ANO10: variants seen among roughly 807,000 people sequenced by gnomAD.
ANO10 encodes anoctamin 10, also known as anoctamin-10.
ANO10 carries 77 observed loss-of-function variants against 74.7 expected under a neutral mutation model. That is an observed-to-expected ratio of 1.03 (90% confidence interval 0.86 to 1.25). The LOEUF (loss-of-function observed/expected upper bound fraction) is 1.25, where lower values mean the gene tolerates loss of function less well. Ranked by LOEUF, ANO10 falls within the 50% of genes most tolerant of loss-of-function variation. The pLI is 0.00. For missense variants in ANO10, 721 were observed against 778.1 expected (o/e 0.93, Z 0.87); for synonymous variants, 279 against 284.9 (o/e 0.98, Z 0.21).
intron 7 of ANO10, among the ~76,000 whole-genome samples, chr3:43,574,515 C>A (rs369260647): frequency 6.6e-6 from 1 of 152,126 alleles, no homozygotes; most frequent in African/African-American, 2.4e-5. Flanking sequence ...CCAGCATAGG[C>A]CTTCCAAAGT....
At chr3:43,502,689 T>C (rs184136918) in intron 11 of ANO10, among the ~76,000 whole-genome samples, 1 of 152,210 alleles carries the variant, frequency 6.6e-6, no homozygotes, top group Non-Finnish European at 1.5e-5. Context: ...GCATCACAAG[T>C]GTTCACCAAC....
intron 11 of ANO10, among the ~76,000 whole-genome samples, chr3:43,434,012 T>C (rs2093030262): frequency 6.6e-6 from 1 of 152,230 alleles, no homozygotes; most frequent in Admixed American, 6.5e-5. Context: ...TACTGTGATA[T>C]TTCCAAAAGG....
intron 12 of ANO10, among the ~76,000 whole-genome samples, chr3:43,403,345 C>A (rs1341997723): frequency 6.6e-6 from 1 of 152,232 alleles, no homozygotes; most frequent in Non-Finnish European, 1.5e-5. Context: ...ACACTGGAAG[C>A]TTTTGGTCTA....
chr3:43,569,667 G>A (rs1416600452), intron 7 of ANO10, among the ~76,000 whole-genome samples: 1 of 141,918 alleles, frequency 7.0e-6, no homozygotes, highest in Non-Finnish European at 1.5e-5. Context: ...CAATAAATTA[G>A]GTATTGATGG....
intron 11 of ANO10, among the ~76,000 whole-genome samples, chr3:43,495,639 C>G (rs1490004153): frequency 2.0e-5 from 3 of 152,254 alleles, no homozygotes; most frequent in Middle Eastern, 3.4e-3. Flanking sequence ...TTTCTCAATG[C>G]TGGTCAGGAA....
intron 12 of ANO10, among the ~76,000 whole-genome samples, chr3:43,422,749 G>A (rs756725812): frequency 2.6e-5 from 4 of 152,088 alleles, no homozygotes; most frequent in East Asian, 1.9e-4. Context: ...TCACATCTAC[G>A]GGGAATATTA....
intron 1 of ANO10, among the ~76,000 whole-genome samples, chr3:43,679,466 C>A (rs1297101270): frequency 1.3e-5 from 2 of 152,194 alleles, no homozygotes; most frequent in Non-Finnish European, 2.9e-5. Context: ...GTAGAGCCCA[C>A]CACAGCTCAA....
intron 1 of ANO10, among the ~76,000 whole-genome samples, chr3:43,613,365 G>A (rs922244686): frequency 2.6e-5 from 4 of 152,162 alleles, no homozygotes; most frequent in African/African-American, 7.2e-5. Flanking sequence ...GGCAATGGGG[G>A]ACACATGTTC....
chr3:43,575,955 C>T (rs1301422524), intron 6 of ANO10, among the ~76,000 whole-genome samples: 3 of 152,126 alleles, frequency 2.0e-5, no homozygotes, highest in Non-Finnish European at 4.4e-5. Context: ...ATATTTATGT[C>T]CCATAAAGTT....
intron 9 of ANO10, among the ~76,000 whole-genome samples, chr3:43,557,728 C>CT (rs775423736): frequency 8.5e-5 from 10 of 117,012 alleles, no homozygotes; most frequent in Non-Finnish European, 1.5e-4. Flanking sequence ...GAGCGAGACT[C>CT]TGTCTCAAAA....
rs577157313 is a variant in ANO10, at chr3:43,376,959, A to G, written c.1915-9985T>C. Among the ~76,000 whole-genome samples the G allele has an allele frequency of 5.9e-5, 9 of 152,350 alleles. No individual in the cohort carries two copies. In the South Asian group the frequency reaches 1.9e-3, roughly 32 times the overall value. On this transcript the variant is annotated intron_variant, in intron 12 of 12. Coordinates refer to ENST00000292246, the MANE Select transcript of ANO10 (RefSeq NM_018075.5). ...TCAGCCCCATGATACTGACACATTC[A>G]GTGATGTTACTAGGACATTGTCCCA...
intron 1 of ANO10, among the ~76,000 whole-genome samples, chr3:43,643,908 T>C (rs538177555): frequency 6.4e-4 from 98 of 152,062 alleles, no homozygotes; most frequent in African/African-American, 2.2e-3. Flanking sequence ...ATGGTCTCAA[T>C]CTCCTAACCT....
At chr3:43,644,088 G>T (rs190342884) in intron 1 of ANO10, among the ~76,000 whole-genome samples, 88 of 149,028 alleles carry the variant, frequency 5.9e-4, no homozygotes, top group African/African-American at 1.9e-3. Flanking sequence ...TGATTTTTTT[G>T]TTTGTTTGTT....
chr3:43,595,862 C>T (rs1189210020), intron 4 of ANO10, among the ~76,000 whole-genome samples: 1 of 152,016 alleles, frequency 6.6e-6, no homozygotes, highest in Admixed American at 6.5e-5. Flanking sequence ...TTTAGAAAAC[C>T]CCATCGTCTC....
At chr3:43,666,932 T>C (rs1286786531) in intron 1 of ANO10, among the ~76,000 whole-genome samples, 1 of 152,092 alleles carries the variant, frequency 6.6e-6, no homozygotes, top group Non-Finnish European at 1.5e-5. Context: ...TAGCATGGTA[T>C]ATCTTTCTCC....
intron 12 of ANO10, among the ~76,000 whole-genome samples, chr3:43,393,180 C>T (rs2092311556): frequency 6.6e-6 from 1 of 152,130 alleles, no homozygotes; most frequent in African/African-American, 2.4e-5. Context: ...CAATGCCTAC[C>T]TCATATTTCC....
chr3:43,459,242 C>T (rs557771451), intron 11 of ANO10, among the ~76,000 whole-genome samples: 4 of 151,768 alleles, frequency 2.6e-5, no homozygotes, highest in South Asian at 4.2e-4. Flanking sequence ...TCTCTTCTTT[C>T]GGTAGCCACA....
chr3:43,513,773 G>A (rs892019466), intron 11 of ANO10, among the ~76,000 whole-genome samples: 2 of 152,088 alleles, frequency 1.3e-5, no homozygotes, highest in East Asian at 1.9e-4. Context: ...GCCTCCCAAA[G>A]TGCTGGGATT....
At position 43,642,844 on chromosome 3, in the gene ANO10, CATT is replaced by C. The variant is rs552731603; in HGVS notation, c.-11-36984_-11-36982del. 8.4e-5 allele frequency among the ~76,000 whole-genome samples: 12 copies of C among 142,368 alleles called. No individual in the cohort carries two copies. In the South Asian group the frequency reaches 2.6e-3, roughly 31 times the overall value. 93.4% of individuals were successfully genotyped at this position (142,368 alleles called of 152,430 possible). Reference sequence around the variant, plus strand: ...TCTGGAGATTGTTTCAATTCACAGACATTTTTTTTTTTCTGTGTTTTATGATGC... The same window carrying C: ...TCTGGAGATTGTTTCAATTCACAGACTTTTTTTTTCTGTGTTTTATGATGC... On this transcript the variant is annotated intron_variant, in intron 1 of 3. Transcript: ENST00000413397.
Sources: gnomAD v4.1 joint callset for allele counts (sites outside exome capture counted in the v4.1 genomes callset) on GRCh38, gnomAD v4.1.1 for gene constraint, MANE v1.5 for transcripts, NCBI Gene and HGNC (gene_info 2026-07-23, HGNC 2026-07-21) for gene names.